The following NRXN3 variants were observed in gnomAD, a reference collection of about 807,000 sequenced individuals.
The protein encoded by NRXN3 is neurexin III.
In NRXN3, 32 loss-of-function variants were observed where a neutral mutation model predicts 137.6. The ratio of observed to expected loss-of-function variants is 0.23; its 90% confidence interval spans 0.18 to 0.31. NRXN3 has a LOEUF of 0.31. Ranked by LOEUF, NRXN3 falls within the 10% of genes least tolerant of loss-of-function variation. The probability of loss-of-function intolerance (pLI) is 1.00; values close to 1 mark genes in which losing one functional copy is unlikely to be tolerated. For missense variants in NRXN3, 1,574 were observed against 2,062.5 expected (o/e 0.76, Z 4.59); for synonymous variants, 798 against 784.5 (o/e 1.02, Z -0.29).
chr14:78,716,273 A>C (rs1209709173), intron 8 of NRXN3, among the ~76,000 whole-genome samples: 1 of 152,122 alleles, frequency 6.6e-6, no homozygotes, highest in African/African-American at 2.4e-5. Flanking sequence ...AGCTTGGTCT[A>C]TTTTTTTATA....
At chr14:78,441,511 C>A (rs1056081022) in intron 4 of NRXN3, among the ~76,000 whole-genome samples, 4 of 152,162 alleles carry the variant, frequency 2.6e-5, no homozygotes, top group African/African-American at 9.7e-5. Context: ...TCACAGTTCT[C>A]CCTTCTTAGA....
chr14:79,639,228 A>G (rs1028497916), intron 16 of NRXN3, among the ~76,000 whole-genome samples: 1 of 152,176 alleles, frequency 6.6e-6, no homozygotes, highest in Non-Finnish European at 1.5e-5. Context: ...ACTTTTTTAA[A>G]CTTTTATTTT....
chr14:79,005,106 G>T (rs1469060007), intron 15 of NRXN3, among the ~76,000 whole-genome samples: 2 of 152,148 alleles, frequency 1.3e-5, no homozygotes, highest in Non-Finnish European at 2.9e-5. Flanking sequence ...TAAACCTCCT[G>T]ACACTACTTT....
chr14:78,948,934 C>A (rs1422602306), intron 10 of NRXN3, among the ~76,000 whole-genome samples: 1 of 152,156 alleles, frequency 6.6e-6, no homozygotes, highest in African/African-American at 2.4e-5. Context: ...AGTCCCACAG[C>A]TGTATGACCT....
chr14:79,569,967 A>T (rs2097584578), intron 16 of NRXN3, among the ~76,000 whole-genome samples: 1 of 152,180 alleles, frequency 6.6e-6, no homozygotes, highest in Non-Finnish European at 1.5e-5. Context: ...CATCACCAGA[A>T]GGGATACACC....
At chr14:79,378,711 G>A (rs543353261) in intron 15 of NRXN3, among the ~76,000 whole-genome samples, 17 of 152,076 alleles carry the variant, frequency 1.1e-4, no homozygotes, top group Non-Finnish European at 2.4e-4. Context: ...GGTAATGCTA[G>A]CGTTGACCTT....
chr14:79,803,977 A>T (rs1225107893), intron 19 of NRXN3, among the ~76,000 whole-genome samples: 1 of 143,622 alleles, frequency 7.0e-6, no homozygotes, highest in Admixed American at 7.0e-5. Context: ...GTATGTATGT[A>T]TGTGTATATA....
At chr14:79,347,940 C>A (rs2092982083) in intron 15 of NRXN3, among the ~76,000 whole-genome samples, 1 of 152,142 alleles carries the variant, frequency 6.6e-6, no homozygotes, top group African/African-American at 2.4e-5. Flanking sequence ...TCACTCAAGT[C>A]CTAACTCATT....
chr14:78,381,073 G>A (rs2089000057), intron 4 of NRXN3, among the ~76,000 whole-genome samples: 2 of 152,186 alleles, frequency 1.3e-5, no homozygotes, highest in African/African-American at 4.8e-5. Flanking sequence ...TTCAACAGAT[G>A]ATGCTGGAGC....
chr14:79,625,074 T>C (rs957701443), intron 16 of NRXN3, among the ~76,000 whole-genome samples: 1 of 152,138 alleles, frequency 6.6e-6, no homozygotes, highest in African/African-American at 2.4e-5. Flanking sequence ...GCTGGAATTA[T>C]GGTGCGAGCC....
At chr14:79,283,197 A>G (rs1393908176) in intron 15 of NRXN3, among the ~76,000 whole-genome samples, 1 of 152,240 alleles carries the variant, frequency 6.6e-6, no homozygotes, top group East Asian at 1.9e-4. Context: ...ATCTTATTCC[A>G]GAGTTAAAGG....
chr14:78,240,976 A>G (rs979836411), intron 1 of NRXN3, among the ~76,000 whole-genome samples: 2 of 152,212 alleles, frequency 1.3e-5, no homozygotes, highest in African/African-American at 4.8e-5. Context: ...GCTCCTAGAA[A>G]TCACACTCAC....
chr14:78,182,958 C>T (rs1329303513), intron 1 of NRXN3, among the ~76,000 whole-genome samples: 1 of 152,136 alleles, frequency 6.6e-6, no homozygotes, highest in African/African-American at 2.4e-5. Flanking sequence ...TGTGCGATGG[C>T]ACAGTTCCCA....
In NRXN3 at chr14:79,763,634, G is replaced by A. The variant is rs74064024; in HGVS notation, c.4015-41478G>A. Among the ~76,000 whole-genome samples the A allele has an allele frequency of 5.0e-3, 663 of 132,532 alleles. 24 individuals carry two copies. Among genetic ancestry groups the A allele is most frequent in the African/African-American group, 0.02 (618 of 31,364 alleles). The allele number at this position is 132,532 out of a possible 152,430, so 86.9% of individuals were successfully genotyped here. A position where few individuals can be genotyped will look rare whatever the true frequency, so the allele number is the denominator to read the frequency against. On this transcript the variant is annotated intron_variant, in intron 19 of 20. Transcript: ENST00000335750. The stretch of plus-strand genomic sequence containing the variant: ...TGGGGAGTCTGAGATCAAGACCCTG[G>A]CAGATGTGATGTCTGGTGAGAGCTT...
chr14:78,981,390 T>G (rs900212043), intron 14 of NRXN3, among the ~76,000 whole-genome samples: 1 of 152,182 alleles, frequency 6.6e-6, no homozygotes, highest in East Asian at 1.9e-4. Context: ...GTTAGGTGAG[T>G]GGGCTGCACA....
chr14:79,376,304 TTG>T (rs1459503052), intron 15 of NRXN3, among the ~76,000 whole-genome samples: 1 of 141,178 alleles, frequency 7.1e-6, no homozygotes, highest in Non-Finnish European at 1.5e-5. Context: ...CCTCTACAAA[TTG>T]TGTGTCACTT....
chr14:78,432,556 G>T (rs577881060), intron 4 of NRXN3, among the ~76,000 whole-genome samples: 1 of 152,226 alleles, frequency 6.6e-6, no homozygotes, highest in Non-Finnish European at 1.5e-5. Context: ...TTTCTTTCCA[G>T]CAGGTGAGAA....
At chr14:79,537,362 A>T (rs564668585) in intron 16 of NRXN3, among the ~76,000 whole-genome samples, 4 of 151,984 alleles carry the variant, frequency 2.6e-5, no homozygotes, top group African/African-American at 7.2e-5. Flanking sequence ...ACATATGTAT[A>T]CATGTGCCAT....
chr14:79,283,994 T>C (rs942681327), intron 15 of NRXN3, among the ~76,000 whole-genome samples: 2 of 152,092 alleles, frequency 1.3e-5, no homozygotes, highest in African/African-American at 4.8e-5. Context: ...TATCCTGTTA[T>C]TTAAAATATC....
Sources: gnomAD v4.1 joint callset for allele counts (sites outside exome capture counted in the v4.1 genomes callset) on GRCh38, gnomAD v4.1.1 for gene constraint, MANE v1.5 for transcripts, NCBI Gene and HGNC (gene_info 2026-07-23, HGNC 2026-07-21) for gene names.